The following DPYSL3 variants were observed in gnomAD, a reference collection of about 807,000 sequenced individuals.
The protein encoded by DPYSL3 is dihydropyrimidinase-related protein 3.
In DPYSL3, 16 loss-of-function variants were observed where a neutral mutation model predicts 66.1. That is an observed-to-expected ratio of 0.24 (90% CI 0.16 to 0.37). DPYSL3 has a LOEUF of 0.37. DPYSL3 is among the 10% of genes least tolerant of loss of function. The probability of loss-of-function intolerance (pLI) is 1.00; values close to 1 mark genes in which losing one functional copy is unlikely to be tolerated. For missense variants in DPYSL3, 738 were observed against 916.2 expected (o/e 0.81, Z 2.51); for synonymous variants, 338 against 345.1 (o/e 0.98, Z 0.23).
At chr5:147,417,515 T>G (rs2152022117) in intron 3 of DPYSL3, among the ~76,000 whole-genome samples, 1 of 152,252 alleles carries the variant, frequency 6.6e-6, no homozygotes, top group African/African-American at 2.4e-5. Context: ...CAAAAGGAAG[T>G]AAAAGACAGT....
At chr5:147,482,706 T>C (rs185725036) in intron 1 of DPYSL3, among the ~76,000 whole-genome samples, 2 of 152,226 alleles carry the variant, frequency 1.3e-5, no homozygotes, top group Non-Finnish European at 2.9e-5. Context: ...ATAAGATTAC[T>C]TCTGATTTTT....
intron 1 of DPYSL3, among the ~76,000 whole-genome samples, chr5:147,438,344 A>G (rs938366487): frequency 3.9e-5 from 6 of 152,218 alleles, no homozygotes; most frequent in African/African-American, 1.4e-4. Flanking sequence ...CAGACCTTGA[A>G]TGAAACAAAC....
intron 1 of DPYSL3, among the ~76,000 whole-genome samples, chr5:147,447,830 C>T (rs1339521166): frequency 1.3e-5 from 2 of 152,166 alleles, no homozygotes; most frequent in African/African-American, 4.8e-5. Flanking sequence ...AAGAGCAAAC[C>T]TCCGTCTCAA....
At chr5:147,447,668 C>T (rs571514640) in intron 1 of DPYSL3, among the ~76,000 whole-genome samples, 2 of 152,120 alleles carry the variant, frequency 1.3e-5, no homozygotes, top group South Asian at 2.1e-4. Flanking sequence ...GTCGGGAGTT[C>T]GAGACCAGCC....
At chr5:147,421,869 T>C (rs1304631608) in intron 2 of DPYSL3, among the ~76,000 whole-genome samples, 1 of 152,160 alleles carries the variant, frequency 6.6e-6, no homozygotes, top group Non-Finnish European at 1.5e-5. Context: ...CAAGATGGAT[T>C]AAAGACTTAA....
At chr5:147,461,218 T>C (rs1009531757) in intron 1 of DPYSL3, among the ~76,000 whole-genome samples, 2 of 152,142 alleles carry the variant, frequency 1.3e-5, no homozygotes, top group Non-Finnish European at 2.9e-5. Context: ...AACATGGCAC[T>C]AGCAAGGCAG....
chr5:147,395,471 T>C (rs1011473944), intron 13 of DPYSL3, 88 bp downstream of exon 13: 4 of 1,493,364 alleles, frequency 2.7e-6, no homozygotes, highest in Non-Finnish European at 3.6e-6. Context: ...CTCCTTCAGG[T>C]TGAGTTCTGA....
chr5:147,478,838 A>G (rs561604780), intron 1 of DPYSL3, among the ~76,000 whole-genome samples: 21 of 152,296 alleles, frequency 1.4e-4, no homozygotes, highest in African/African-American at 4.3e-4. Flanking sequence ...ACTGCCTATC[A>G]TACTGTACTG....
intron 1 of DPYSL3, among the ~76,000 whole-genome samples, chr5:147,440,350 G>T (rs1328337635): frequency 6.6e-6 from 1 of 152,052 alleles, no homozygotes; most frequent in African/African-American, 2.4e-5. Context: ...AGCAGCTCAG[G>T]TTATTTTGAT....
intron 2 of DPYSL3, among the ~76,000 whole-genome samples, chr5:147,424,131 A>G (rs1347545976): frequency 1.3e-5 from 2 of 152,188 alleles, no homozygotes; most frequent in Admixed American, 6.5e-5. Context: ...AATTTTTCAA[A>G]GAGAAGCAAG....
At chr5:147,459,966 C>T (rs1031665796) in intron 1 of DPYSL3, among the ~76,000 whole-genome samples, 6 of 152,090 alleles carry the variant, frequency 3.9e-5, no homozygotes, top group African/African-American at 1.4e-4. Flanking sequence ...AAAAATTAGC[C>T]AGGTGTGGTG....
At chr5:147,446,085 A>G (rs1270274859) in intron 1 of DPYSL3, among the ~76,000 whole-genome samples, 1 of 151,526 alleles carries the variant, frequency 6.6e-6, no homozygotes, top group East Asian at 1.9e-4. Context: ...CTTTCTCCCT[A>G]CTCTCTTTTC....
At position 147,391,345 on chromosome 5, in the gene DPYSL3, C is replaced by G. The variant is rs563565974; in HGVS notation, c.*2690G>C. The G allele has an allele frequency of 1.3e-5, 2 of 152,644 alleles. No individual in the cohort carries two copies. Among genetic ancestry groups the G allele is most frequent in the African/African-American group, 2.4e-5 (1 of 41,448 alleles). 9.5% of individuals were successfully genotyped at this position (152,644 alleles called of 1,614,324 possible). On this transcript the variant is annotated 3_prime_UTR_variant, in exon 14 of 14. Transcript: ENST00000343218. ...AAACTTAGAAGTACAAGAAATAGCTCTACTACGGGTAACTGATTTAACAAT... is the reference window on the plus strand; with the variant it reads ...AAACTTAGAAGTACAAGAAATAGCTGTACTACGGGTAACTGATTTAACAAT...
intron 1 of DPYSL3, among the ~76,000 whole-genome samples, chr5:147,425,449 T>C (rs796195384): frequency 1.2e-4 from 18 of 152,320 alleles, no homozygotes; most frequent in African/African-American, 4.3e-4. Context: ...AGATCATGGT[T>C]ATGTCTAAAA....
At chr5:147,397,970 T>A (rs1758046502) in intron 11 of DPYSL3, 125 bp from the exon 12 acceptor site, 2 of 989,864 alleles carry the variant, frequency 2.0e-6, no homozygotes, top group Non-Finnish European at 1.4e-6. Flanking sequence ...AAGCTCACCA[T>A]GCATCTGCAA....
At chr5:147,419,876 T>G (rs1752045752) in intron 2 of DPYSL3, among the ~76,000 whole-genome samples, 1 of 152,256 alleles carries the variant, frequency 6.6e-6, no homozygotes, top group African/African-American at 2.4e-5. Flanking sequence ...GTTCAGATAC[T>G]GGCCAATTCT....
chr5:147,479,006 G>T (rs1356464632), intron 1 of DPYSL3, among the ~76,000 whole-genome samples: 1 of 151,956 alleles, frequency 6.6e-6, no homozygotes, highest in Non-Finnish European at 1.5e-5. Flanking sequence ...TCTAATAGGT[G>T]AGCAATAAAT....
chr5:147,483,542 G>T (rs1753282189), intron 1 of DPYSL3, among the ~76,000 whole-genome samples: 5 of 152,176 alleles, frequency 3.3e-5, no homozygotes, highest in Admixed American at 3.3e-4. Context: ...GGAAAAGATA[G>T]ATTTTGAATG....
chr5:147,466,867 G>T (rs17106767), intron 1 of DPYSL3, among the ~76,000 whole-genome samples: 4,910 of 152,276 alleles, frequency 0.032, 279 homozygotes, highest in African/African-American at 0.11. Context: ...GGGGAAAGTA[G>T]GGATGGCAGA....
Sources: allele counts gnomAD v4.1 joint callset (sites outside exome capture counted in the v4.1 genomes callset), GRCh38; gene constraint gnomAD v4.1.1; transcripts MANE v1.5; gene names NCBI Gene and HGNC (gene_info 2026-07-23, HGNC 2026-07-21).